Variants in TRIM60 observed in about 807,000 individuals in gnomAD.
The protein encoded by TRIM60 is tripartite motif containing 60, also known as tripartite motif-containing protein 60.
For missense variants in TRIM60, 524 were observed against 540.8 expected, an observed-to-expected ratio of 0.97 and a Z score of 0.31; for synonymous variants, 189 against 195.2, an observed-to-expected ratio of 0.97 and a Z score of 0.27.
In TRIM60 at chr4:165,041,240, C is replaced by T. The variant is rs754880761; in HGVS notation, c.1168C>T (p.Arg390Ter). 18 of 1,613,944 alleles carry T rather than the reference C, an allele frequency of 1.1e-5. No homozygotes were observed. Among genetic ancestry groups the T allele is most frequent in the East Asian group, 6.7e-5 (3 of 44,894 alleles). Residue 390 changes from arginine (R) to a stop codon, truncating the protein, a stop_gained, in exon 3 of 3, where the codon CGA (arginine) becomes TGA (stop). Coordinates refer to ENST00000512596, the MANE Select transcript of TRIM60 (RefSeq NM_152620.3). LOFTEE classifies it low-confidence loss of function (END_TRUNC). ...SVLGGFWAIG[R>*]YMKSGYVASG... ...TCTGGGCGGATTCTGGGCAATTGGG[C>T]GATACATGAAGAGTGGTTATGTTGC...
chr4:165,036,427 G>A lies in TRIM60; in HGVS notation c.-56-2774G>A, dbSNP rs147537482. ...CTTACATGTTTGCTTGTTTTTTTAA[G>A]TTTAAAAAATCTTAATTTCCCCCTC... On this transcript the variant is annotated intron_variant, in intron 1 of 2. Transcript: ENST00000512596. Among the ~76,000 whole-genome samples, 735 of 152,100 alleles carry A rather than the reference G, an allele frequency of 4.8e-3. 11 individuals carry two copies. The highest frequency in any genetic ancestry group is 0.017 in the African/African-American group (693 of 41,482).
At chr4:165,033,026 C>CA (rs552897039) in intron 1 of TRIM60, among the ~76,000 whole-genome samples, 1,488 of 82,124 alleles carry the variant, frequency 0.018, 12 homozygotes, top group African/African-American at 0.027. Context: ...CCTGTCTCTA[C>CA]AAAAAAAAAA....
At chr4:165,038,954 T>C (rs1733685805) in intron 1 of TRIM60, among the ~76,000 whole-genome samples, 1 of 151,722 alleles carries the variant, frequency 6.6e-6, no homozygotes, top group South Asian at 2.1e-4. Flanking sequence ...CCCAGCTTCT[T>C]GGGAGGCTGA....
Position 165,040,188 on chromosome 4 carries a change from G to A in TRIM60, c.116G>A (p.Cys39Tyr). 1 of 1,614,174 alleles carries A rather than the reference G, an allele frequency of 6.2e-7. No homozygotes were observed. The change falls in exon 3 of 3, where the codon TGC becomes TAC. Residue 39 changes from cysteine to tyrosine, a missense_variant. Cys to Tyr is a radical substitution (Grantham distance 194). Transcript: ENST00000512596. Reference sequence around the variant, plus strand: ...TGTGGGCACAACTTCTGTCGCTCCTGCCTCAGTGTATCCTGGAAGGATCTA... The same window carrying A: ...TGTGGGCACAACTTCTGTCGCTCCTACCTCAGTGTATCCTGGAAGGATCTA... ...INCGHNFCRS[C>Y]LSVSWKDLDD...
Position 165,041,348 on chromosome 4 carries a change from C to A in TRIM60, c.1276C>A (p.Leu426Ile), listed in dbSNP as rs1733762151. The change falls in exon 3 of 3, where the codon CTT becomes ATT. Residue 426 changes from leucine to isoleucine, a missense_variant. Physicochemically the swap from Leu to Ile is conservative, Grantham distance 5. Transcript: ENST00000512596. ...TTTTCTGGACTATGAATTGGGTGAT[C>A]TTTCCTTTTATAATATGAATGATAG... is the stretch of plus-strand genomic sequence containing the variant. ...GIFLDYELGD[L>I]SFYNMNDRSI... 6.2e-7 allele frequency: 1 copy of A among 1,614,008 alleles called. No homozygotes were observed. Among genetic ancestry groups the A allele is most frequent in the African/African-American group, 1.3e-5 (1 of 74,902 alleles).
At chr4:165,037,595 T>A (rs1225736306) in intron 1 of TRIM60, among the ~76,000 whole-genome samples, 1 of 152,078 alleles carries the variant, frequency 6.6e-6, no homozygotes, top group African/African-American at 2.4e-5. Context: ...ATTGCTGAGA[T>A]TACAGGCATG....
At chr4:165,036,934 G>A (rs538023310) in intron 1 of TRIM60, among the ~76,000 whole-genome samples, 26 of 150,970 alleles carry the variant, frequency 1.7e-4, no homozygotes, top group African/African-American at 4.6e-4. Context: ...AGTGGCTTAC[G>A]CCTGTAATCC....
intron 1 of TRIM60, among the ~76,000 whole-genome samples, chr4:165,033,382 G>A (rs770360575): frequency 1.4e-4 from 22 of 152,166 alleles, no homozygotes; most frequent in Non-Finnish European, 2.6e-4. Context: ...AGGAAAATAA[G>A]GAAGAATTCA....
chr4:165,036,875 C>G (rs1188878100), intron 1 of TRIM60, among the ~76,000 whole-genome samples: 1 of 132,556 alleles, frequency 7.5e-6, no homozygotes, highest in Non-Finnish European at 1.6e-5. Context: ...GAGTGAGACT[C>G]TGTCTCAAAA....
intron 1 of TRIM60, among the ~76,000 whole-genome samples, chr4:165,035,091 A>G (rs1733591366): frequency 6.6e-6 from 1 of 152,166 alleles, no homozygotes; most frequent in African/African-American, 2.4e-5. Context: ...TTTTTGAGGT[A>G]TCTCTCTCTG....
intron 1 of TRIM60, among the ~76,000 whole-genome samples, chr4:165,036,748 G>A (rs1407555058): frequency 6.6e-6 from 1 of 151,890 alleles, no homozygotes; most frequent in Non-Finnish European, 1.5e-5. Flanking sequence ...GGTCATGGTG[G>A]CAGGCACCTG....
chr4:165,040,541 C>A lies in TRIM60; in HGVS notation c.469C>A (p.Arg157=), dbSNP rs1324499421. The change falls in exon 3 of 3, where the codon CGA becomes AGA. Residue 157 remains arginine (R), a synonymous_variant. Coordinates refer to ENST00000512596, the MANE Select transcript of TRIM60 (RefSeq NM_152620.3). ...TGAGCCCTTGAGGAATAATATAGAACGAGTTGAAAAAGTGATAATTCTGCA... is the reference window on the plus strand; with the variant it reads ...TGAGCCCTTGAGGAATAATATAGAAAGAGTTGAAAAAGTGATAATTCTGCA... ...SLEPLRNNIE[R]VEKVIILQGS... is the part of the protein sequence containing the mutation. 2.5e-6 allele frequency: 4 copies of A among 1,613,658 alleles called. No homozygotes were observed. The African/African-American group carries it at 4.0e-5, about 16-fold the overall frequency.
Position 165,041,548 on chromosome 4 carries a change from T to TGG in TRIM60, c.*60_*61insGG. The TGG allele has an allele frequency of 8.0e-7, 1 of 1,249,514 alleles. No homozygotes were observed. Among genetic ancestry groups the TGG allele is most frequent in the Non-Finnish European group, 1.1e-6 (1 of 913,430 alleles). 77.4% of individuals were successfully genotyped at this position (1,249,514 alleles called of 1,614,324 possible). Reference sequence around the variant, plus strand: ...GGTAACTTAGCCAGTAAATTTAATCTCATTTCTGGACTCTTTAAGTTTTAC... The same window carrying TGG: ...GGTAACTTAGCCAGTAAATTTAATCTGGCATTTCTGGACTCTTTAAGTTTTAC... On this transcript the variant is annotated 3_prime_UTR_variant, in exon 3 of 3. Transcript: ENST00000512596.
intron 1 of TRIM60, among the ~76,000 whole-genome samples, chr4:165,037,479 A>G (rs1228306658): frequency 6.6e-6 from 1 of 151,564 alleles, no homozygotes; most frequent in Non-Finnish European, 1.5e-5. Context: ...ATGTGCCACC[A>G]TGCCCAGCTA....
Position 165,040,260 on chromosome 4 carries a change from A to G in TRIM60, c.188A>G (p.Lys63Arg). ...GTCTGCCGTTTTTGCTTTCCATACA[A>G]GAGCTTCAGGAGGAACCCCCAGCTC... is the stretch of plus-strand genomic sequence containing the variant. ...CPVCRFCFPY[K>R]SFRRNPQLRN... The change falls in exon 3 of 3, where the codon AAG becomes AGG. Residue 63 changes from lysine (K) to arginine (R), a missense_variant. Lys to Arg is a conservative substitution (Grantham distance 26). Coordinates refer to ENST00000512596, the MANE Select transcript of TRIM60 (RefSeq NM_152620.3). The G allele has an allele frequency of 6.2e-7, 1 of 1,614,186 alleles. No homozygotes were observed. The highest frequency in any genetic ancestry group is 8.5e-7 in the Non-Finnish European group (1 of 1,180,024).
At chr4:165,034,374 G>A (rs1173267597) in intron 1 of TRIM60, among the ~76,000 whole-genome samples, 3 of 151,972 alleles carry the variant, frequency 2.0e-5, no homozygotes, top group South Asian at 2.1e-4. Flanking sequence ...GGCTGGTCTC[G>A]AACTCCAGAC....
At chr4:165,033,152 G>A (rs118172660) in intron 1 of TRIM60, among the ~76,000 whole-genome samples, 3,277 of 152,272 alleles carry the variant, frequency 0.022, 103 homozygotes, top group African/African-American at 0.071. Flanking sequence ...TCGCGCCACT[G>A]CACTCCAGCC....
At position 165,041,564 on chromosome 4, in the gene TRIM60, T is replaced by A; in HGVS notation, c.*76T>A. ...AATTTAATCTCATTTCTGGACTCTT[T>A]AAGTTTTACCACTGAAAACCAGAGT... On this transcript the variant is annotated 3_prime_UTR_variant, in exon 3 of 3. Transcript: ENST00000512596. 9.0e-7 allele frequency: 1 copy of A among 1,113,266 alleles called. No individual in the cohort carries two copies. The highest frequency in any genetic ancestry group is 1.2e-6 in the Non-Finnish European group (1 of 814,110). The allele number at this position is 1,113,266 out of a possible 1,614,324, so 69.0% of individuals were successfully genotyped here.
rs375612994 is a variant in TRIM60, at chr4:165,041,528, C to G, written c.*40C>G. 4 of 1,360,206 alleles carry G rather than the reference C, an allele frequency of 2.9e-6. No individual in the cohort carries two copies. The highest frequency in any genetic ancestry group is 4.6e-5 in the East Asian group (2 of 43,196). 84.3% of individuals were successfully genotyped at this position (1,360,206 alleles called of 1,614,324 possible). On this transcript the variant is annotated 3_prime_UTR_variant, in exon 3 of 3. Transcript: ENST00000512596. ...GGTCTGTTTCAGTTTTTGTAGGTAA[C>G]TTAGCCAGTAAATTTAATCTCATTT...
Sources: gnomAD v4.1 joint callset for allele counts (sites outside exome capture counted in the v4.1 genomes callset) on GRCh38, gnomAD v4.1.1 for gene constraint, MANE v1.5 for transcripts, NCBI Gene and HGNC (gene_info 2026-07-23, HGNC 2026-07-21) for gene names.